The following AUTS2 variants were observed in gnomAD, a reference collection of about 807,000 sequenced individuals.
AUTS2 encodes activator of transcription and developmental regulator AUTS2.
In AUTS2, 17 loss-of-function variants were observed where a neutral mutation model predicts 112.4. The ratio of observed to expected loss-of-function variants is 0.15; its 90% CI spans 0.10 to 0.23. The LOEUF (loss-of-function observed/expected upper bound fraction) is 0.23. AUTS2 is among the 10% of genes least tolerant of loss of function. The pLI, the probability that AUTS2 is intolerant of heterozygous loss-of-function variation, is 1.00. For synonymous variants in AUTS2, 751 were observed against 702.7 expected (o/e 1.07, Z -1.09); for missense variants, 1,510 against 1,701.6 (o/e 0.89, Z 1.98).
intron 1 of AUTS2, among the ~76,000 whole-genome samples, chr7:69,653,410 G>T (rs1177336803): frequency 6.6e-6 from 1 of 152,174 alleles, no homozygotes; most frequent in African/African-American, 2.4e-5. Context: ...ATTGGATGAA[G>T]ATAGTATCTC....
chr7:70,739,003 CTTTTTTTTTTTTTTTTTTTTTTTTT>C (rs57525224), intron 6 of AUTS2, among the ~76,000 whole-genome samples: 17 of 57,298 alleles, frequency 3.0e-4, no homozygotes, highest in African/African-American at 1.1e-3. Flanking sequence ...GTTTTGAGGC[CTTTTTTTTTTTTTTTTTTTTTTTTT>C]TTTTTTTTTG....
intron 2 of AUTS2, among the ~76,000 whole-genome samples, chr7:70,110,781 T>G (rs956634335): frequency 3.9e-5 from 6 of 151,980 alleles, no homozygotes; most frequent in African/African-American, 1.4e-4. Context: ...TTACTTTGCA[T>G]TAATGAAACT....
chr7:69,890,390 T>C (rs904118626), intron 1 of AUTS2, among the ~76,000 whole-genome samples: 9 of 152,174 alleles, frequency 5.9e-5, no homozygotes, highest in Admixed American at 2.6e-4. Context: ...CATTGACAGG[T>C]GCCTTTTATA....
intron 5 of AUTS2, among the ~76,000 whole-genome samples, chr7:70,634,461 G>A (rs1416385193): frequency 2.4e-4 from 36 of 152,166 alleles, no homozygotes; most frequent in Non-Finnish European, 5.9e-5. Context: ...CCTTGGAAAT[G>A]ACCTTGCATG....
At chr7:70,040,122 A>G (rs990737671) in intron 2 of AUTS2, among the ~76,000 whole-genome samples, 1 of 152,010 alleles carries the variant, frequency 6.6e-6, no homozygotes, top group Non-Finnish European at 1.5e-5. Flanking sequence ...GTGACTCTGT[A>G]TTACAGTGGG....
chr7:70,043,790 G>T lies in AUTS2; in HGVS notation c.523-74342G>T, dbSNP rs1441637965. The stretch of plus-strand genomic sequence containing the variant: ...ACGTGCGTCTAATTTTGTATTTTCA[G>T]TAGAGACAGGGTTTCTCTATGTTGG... On this transcript the variant is annotated intron_variant, in intron 2 of 18. Coordinates refer to ENST00000342771, the MANE Select transcript of AUTS2 (RefSeq NM_015570.4). Among the ~76,000 whole-genome samples the T allele has an allele frequency of 2.0e-5, 3 of 151,986 alleles. No homozygotes were observed. The East Asian group carries it at 5.8e-4, about 29-fold the overall frequency.
At chr7:69,924,559 T>C (rs533873393) in intron 2 of AUTS2, among the ~76,000 whole-genome samples, 1 of 151,888 alleles carries the variant, frequency 6.6e-6, no homozygotes, top group African/African-American at 2.4e-5. Flanking sequence ...TTTTTTTTTT[T>C]TCTTTTTTTG....
At chr7:69,828,279 T>C (rs1441364842) in intron 1 of AUTS2, among the ~76,000 whole-genome samples, 1 of 152,236 alleles carries the variant, frequency 6.6e-6, no homozygotes, top group Non-Finnish European at 1.5e-5. Flanking sequence ...GTGTGGGCAC[T>C]TCTAGAAAAC....
intron 1 of AUTS2, among the ~76,000 whole-genome samples, chr7:69,687,820 G>A (rs1797129981): frequency 6.6e-6 from 1 of 152,140 alleles, no homozygotes; most frequent in East Asian, 1.9e-4. Context: ...ACAGCTATGT[G>A]TGAATAATTT....
At chr7:70,511,877 T>G (rs1373650575) in intron 5 of AUTS2, among the ~76,000 whole-genome samples, 1 of 152,132 alleles carries the variant, frequency 6.6e-6, no homozygotes, top group Non-Finnish European at 1.5e-5. Context: ...ACATCCGGCC[T>G]GTCCTGTCAT....
intron 1 of AUTS2, among the ~76,000 whole-genome samples, chr7:69,612,562 T>C (rs1239596420): frequency 6.6e-6 from 1 of 151,864 alleles, no homozygotes; most frequent in Non-Finnish European, 1.5e-5. Context: ...TGGGCTGAAG[T>C]GATCTTCTCA....
At chr7:70,186,214 G>A (rs1359873912) in intron 4 of AUTS2, among the ~76,000 whole-genome samples, 1 of 152,102 alleles carries the variant, frequency 6.6e-6, no homozygotes, top group Non-Finnish European at 1.5e-5. Context: ...TTGTCTTTGT[G>A]TTTTAAAACA....
intron 4 of AUTS2, among the ~76,000 whole-genome samples, chr7:70,213,842 C>A (rs550974989): frequency 6.6e-6 from 1 of 152,224 alleles, no homozygotes; most frequent in Non-Finnish European, 1.5e-5. Context: ...TCTGCAGTGG[C>A]CTTAGCAAAT....
chr7:70,087,372 CTTT>C (rs571292584), intron 2 of AUTS2, among the ~76,000 whole-genome samples: 2 of 137,706 alleles, frequency 1.5e-5, no homozygotes, highest in Admixed American at 7.3e-5. Flanking sequence ...TTTTCTTTTT[CTTT>C]TTTTTTTTTT....
chr7:70,525,240 T>C (rs1038210528), intron 5 of AUTS2, among the ~76,000 whole-genome samples: 1 of 152,202 alleles, frequency 6.6e-6, no homozygotes, highest in African/African-American at 2.4e-5. Flanking sequence ...CCATCAGTTG[T>C]CATAGTTCCT....
intron 2 of AUTS2, among the ~76,000 whole-genome samples, chr7:69,923,786 T>C (rs555527683): frequency 3.7e-4 from 57 of 152,358 alleles, no homozygotes; most frequent in Non-Finnish European, 6.3e-4. Context: ...GATTTTTGTA[T>C]ATTCACTTGC....
At chr7:70,229,263 A>G (rs1811924834) in intron 4 of AUTS2, among the ~76,000 whole-genome samples, 1 of 152,096 alleles carries the variant, frequency 6.6e-6, no homozygotes, top group Non-Finnish European at 1.5e-5. Context: ...GTGTGCTAAC[A>G]GTGAATTCTT....
chr7:70,538,373 C>A (rs1156278041), intron 5 of AUTS2, among the ~76,000 whole-genome samples: 8 of 152,024 alleles, frequency 5.3e-5, no homozygotes, highest in Non-Finnish European at 1.5e-5. Flanking sequence ...ACTAAAAATA[C>A]AAAAATTGGT....
At chr7:70,564,558 C>T (rs1801624297) in intron 5 of AUTS2, among the ~76,000 whole-genome samples, 3 of 152,234 alleles carry the variant, frequency 2.0e-5, no homozygotes, top group South Asian at 2.1e-4. Flanking sequence ...ATATATTCAC[C>T]ATTGGGCTTT....
Sources: allele counts gnomAD v4.1 joint callset (sites outside exome capture counted in the v4.1 genomes callset), GRCh38; gene constraint gnomAD v4.1.1; transcripts MANE v1.5; gene names NCBI Gene and HGNC (gene_info 2026-07-23, HGNC 2026-07-21).